CRYBG1: variants seen among roughly 807,000 people sequenced by gnomAD.
The protein encoded by CRYBG1 is beta/gamma crystallin domain-containing protein 1.
Under a neutral mutation model 189.2 loss-of-function variants are expected in CRYBG1, and 139 were observed. The ratio of observed to expected loss-of-function variants is 0.73; its 90% confidence interval spans 0.64 to 0.85. CRYBG1 has a LOEUF of 0.85. CRYBG1 is among the 40% of genes least tolerant of loss of function. CRYBG1 has a pLI of 0.00. For synonymous variants in CRYBG1, 1,023 were observed against 1,017.1 expected (o/e 1.01, Z -0.11); for missense variants, 2,611 against 2,675.8 (o/e 0.98, Z 0.53).
intron 1 of CRYBG1, among the ~76,000 whole-genome samples, chr6:106,398,527 G>A (rs1476879660): frequency 4.6e-5 from 7 of 152,084 alleles, no homozygotes; most frequent in African/African-American, 7.2e-5. Context: ...GTAATTGGTA[G>A]CAAAAATCTA....
chr6:106,413,484 C>G (rs750244044), intron 1 of CRYBG1, among the ~76,000 whole-genome samples: 5 of 152,114 alleles, frequency 3.3e-5, no homozygotes, highest in Non-Finnish European at 7.4e-5. Context: ...TGAGACCAGT[C>G]TGGCCAAGAT....
At chr6:106,490,802 G>T (rs1428799712) in intron 2 of CRYBG1, among the ~76,000 whole-genome samples, 2 of 152,218 alleles carry the variant, frequency 1.3e-5, no homozygotes, top group Admixed American at 6.5e-5. Flanking sequence ...GGAGCAGAAA[G>T]TAGAAGGTGT....
At chr6:106,494,261 G>A (rs1022531887) in intron 2 of CRYBG1, among the ~76,000 whole-genome samples, 1 of 152,114 alleles carries the variant, frequency 6.6e-6, no homozygotes, top group Non-Finnish European at 1.5e-5. Flanking sequence ...GTTTCTGGAT[G>A]ATTATAGATT....
At chr6:106,509,867 T>A (rs1419728344) in intron 2 of CRYBG1, among the ~76,000 whole-genome samples, 1 of 152,056 alleles carries the variant, frequency 6.6e-6, no homozygotes, top group East Asian at 1.9e-4. Context: ...CTTCCTTTCC[T>A]CATCTGTGTG....
rs1773271168 is a variant in CRYBG1, at chr6:106,511,945, G to A, written c.828G>A (p.Gly276=). The change falls in exon 3 of 22, where the codon GGG becomes GGA. Residue 276 remains glycine (G), a synonymous_variant. Coordinates refer to ENST00000633556, the MANE Select transcript of CRYBG1 (RefSeq NM_001371242.2). ...ENAETPARSP[G]EDASPGAGHE... The stretch of plus-strand genomic sequence containing the variant: ...CAGAGACGCCCGCCCGCAGTCCGGG[G>A]GAGGACGCTTCACCAGGTGCTGGCC... 4.6e-6 allele frequency: 7 copies of A among 1,527,590 alleles called. No homozygotes were observed. The highest frequency in any genetic ancestry group is 6.1e-6 in the Non-Finnish European group (7 of 1,141,744). The allele number at this position is 1,527,590 out of a possible 1,614,324, so 94.6% of individuals were successfully genotyped here.
Position 106,541,597 on chromosome 6 carries a change from A to G in CRYBG1, c.4857A>G (p.Lys1619=). 1.2e-6 allele frequency: 2 copies of G among 1,611,868 alleles called. No individual in the cohort carries two copies. Among genetic ancestry groups the G allele is most frequent in the Non-Finnish European group, 1.7e-6 (2 of 1,178,276 alleles). Reference sequence around the variant, plus strand: ...GTTGTTTTTTTCAGGGTGGCCGTAAAGTTGAATTCCCTACAGATCCAAAGG... The same window carrying G: ...GTTGTTTTTTTCAGGGTGGCCGTAAGGTTGAATTCCCTACAGATCCAAAGG... ...SMRPLKMGGR[K]VEFPTDPKVV... is the part of the protein sequence containing the mutation. The change falls in exon 10 of 22, where the codon AAA becomes AAG. Residue 1619 remains lysine (K), a synonymous_variant. Transcript: ENST00000633556.
chr6:106,373,537 A>G (rs917925329), intron 1 of CRYBG1, among the ~76,000 whole-genome samples: 1 of 152,216 alleles, frequency 6.6e-6, no homozygotes, highest in Non-Finnish European at 1.5e-5. Context: ...AACCTTGTAA[A>G]TAATCTTTGT....
At chr6:106,382,513 C>A (rs1470891996) in intron 1 of CRYBG1, among the ~76,000 whole-genome samples, 2 of 152,126 alleles carry the variant, frequency 1.3e-5, no homozygotes, top group African/African-American at 2.4e-5. Flanking sequence ...CTCCCTATTG[C>A]TTTCTAGGTA....
intron 2 of CRYBG1, among the ~76,000 whole-genome samples, chr6:106,452,714 T>A (rs1054052430): frequency 2.6e-5 from 4 of 152,230 alleles, no homozygotes; most frequent in African/African-American, 4.8e-5. Flanking sequence ...GACTTAATTA[T>A]ATTGCCTTAA....
At chr6:106,532,092 A>G (rs1055473434) in intron 8 of CRYBG1, among the ~76,000 whole-genome samples, 18 of 152,178 alleles carry the variant, frequency 1.2e-4, no homozygotes, top group African/African-American at 4.3e-4. Flanking sequence ...TGATACCTGT[A>G]TACATTGCAT....
At chr6:106,374,469 G>A (rs1272579223) in intron 1 of CRYBG1, among the ~76,000 whole-genome samples, 1 of 152,074 alleles carries the variant, frequency 6.6e-6, no homozygotes. Flanking sequence ...GAGATGGGAG[G>A]GTTGCTTGAG....
In CRYBG1 at chr6:106,539,327, GGGTACCA is replaced by G. The variant is rs1383574633; in HGVS notation, c.4719-74_4719-68del. The G allele has an allele frequency of 3.8e-5, 59 of 1,540,638 alleles. No homozygotes were observed. In the African/African-American group the frequency reaches 7.8e-4, roughly 20 times the overall value. On this transcript the variant is annotated intron_variant, in intron 8 of 21. Coordinates refer to ENST00000633556, the MANE Select transcript of CRYBG1 (RefSeq NM_001371242.2). ...TCTCCTGTTCTTTTCCTCTCATCCT[GGGTACCA>G]GACAGAAGGAAAAACTGAAACAAAT...
chr6:106,377,443 C>T (rs1239085669), intron 1 of CRYBG1, among the ~76,000 whole-genome samples: 2 of 152,030 alleles, frequency 1.3e-5, no homozygotes, highest in Admixed American at 6.6e-5. Flanking sequence ...AATGCCAAAG[C>T]GGTCATCAGA....
At chr6:106,391,973 G>A (rs1046156015) in intron 1 of CRYBG1, among the ~76,000 whole-genome samples, 3 of 51,572 alleles carry the variant, frequency 5.8e-5, no homozygotes, top group African/African-American at 3.9e-4. Context: ...GTGTGTGTGC[G>A]TGCGCGTTTC....
chr6:106,520,341 C>T lies in CRYBG1; in HGVS notation c.3133C>T (p.Gln1045Ter), dbSNP rs1224209511. 1.2e-6 allele frequency: 2 copies of T among 1,614,132 alleles called. No homozygotes were observed. Among genetic ancestry groups the T allele is most frequent in the Non-Finnish European group, 1.7e-6 (2 of 1,180,032 alleles). Residue 1045 changes from glutamine to a stop codon, truncating the protein, a stop_gained, in exon 4 of 22, where the codon CAG becomes TAG. Coordinates refer to ENST00000633556, the MANE Select transcript of CRYBG1 (RefSeq NM_001371242.2). LOFTEE classifies it high-confidence loss of function. Reference sequence around the variant, plus strand: ...AACTCTGCCTATTCAGGCTCAAAGTCAGGGCAGCAGAACACCCCTGATGGC... The same window carrying T: ...AACTCTGCCTATTCAGGCTCAAAGTTAGGGCAGCAGAACACCCCTGATGGC... ...EKTLPIQAQSQGSRTPLMAES... is the reference protein window; with the variant it reads ...EKTLPIQAQS
At chr6:106,559,084 C>G (rs920408553) in intron 18 of CRYBG1, among the ~76,000 whole-genome samples, 2 of 152,162 alleles carry the variant, frequency 1.3e-5, no homozygotes, top group African/African-American at 2.4e-5. Context: ...CACTTTTCCA[C>G]TGGGAAAAGT....
At chr6:106,369,975 C>A (rs4946745) in intron 1 of CRYBG1, among the ~76,000 whole-genome samples, 109,623 of 152,048 alleles carry the variant, frequency 0.72, 39,702 homozygotes, top group East Asian at 0.88. Flanking sequence ...CAGGTAAATC[C>A]CTGCAAGTTA....
intron 1 of CRYBG1, among the ~76,000 whole-genome samples, chr6:106,380,505 T>A (rs2353595): frequency 0.27 from 41,364 of 151,842 alleles, 5,798 homozygotes; most frequent in Middle Eastern, 0.36. Flanking sequence ...GATTAGGTGA[T>A]GTTACCCGTT....
At chr6:106,364,704 T>A (rs1771948247) in intron 1 of CRYBG1, among the ~76,000 whole-genome samples, 1 of 152,350 alleles carries the variant, frequency 6.6e-6, no homozygotes, top group South Asian at 2.1e-4. Context: ...AGTGGCACTG[T>A]CATTTACCAC....
Sources: gnomAD v4.1 joint callset for allele counts (sites outside exome capture counted in the v4.1 genomes callset) on GRCh38, gnomAD v4.1.1 for gene constraint, MANE v1.5 for transcripts, NCBI Gene and HGNC (gene_info 2026-07-23, HGNC 2026-07-21) for gene names.